The following NID1 variants were observed in gnomAD, a reference collection of about 807,000 sequenced individuals.
NID1 encodes nidogen-1.
NID1 carries 76 observed loss-of-function variants against 130.6 expected under a neutral mutation model. That is an observed-to-expected ratio of 0.58 (90% CI 0.48 to 0.70). The LOEUF (loss-of-function observed/expected upper bound fraction) is 0.70. Among genes scored for constraint, NID1 ranks in the 30% least tolerant of loss-of-function variants. NID1 has a pLI of 0.00. For missense variants in NID1, 1,517 were observed against 1,664.8 expected (o/e 0.91, Z 1.54); for synonymous variants, 665 against 675.1 (o/e 0.98, Z 0.23).
At chr1:236,021,045 G>A (rs1438057765) in intron 9 of NID1, among the ~76,000 whole-genome samples, 30 of 152,292 alleles carry the variant, frequency 2.0e-4, no homozygotes. Context: ...GCAGCAGACT[G>A]GGTTACTTCT....
chr1:236,038,150 G>A lies in NID1; in HGVS notation c.1239C>T (p.Ser413=), dbSNP rs768858254. 147 of 1,610,228 alleles carry A rather than the reference G, an allele frequency of 9.1e-5. 2 individuals carry two copies. In the South Asian group the frequency reaches 1.5e-3, roughly 16 times the overall value. Residue 413 remains serine (S), a synonymous_variant, in exon 5 of 20, where the codon AGC becomes AGT. Transcript: ENST00000264187. The part of the protein sequence containing the change: ...CRDYATGFCC[S]CVAGYTGNGR... ...CATTGCCCGTATAGCCAGCGACACA[G>A]CTGCAGCAGAAGCCCGTGGCGTAGT...
rs191638682 is a variant in NID1, at chr1:235,978,999, C to T, written c.3618G>A (p.Pro1206=). 4.3e-5 allele frequency: 70 copies of T among 1,609,278 alleles called. 1 individual carries two copies. In the South Asian group the frequency reaches 4.7e-4, roughly 11 times the overall value. ...GTAACAGCACAGGAGAGTTACCTTG[C>T]GGACACTGAGACAGGGCCGTGGTGA... is the stretch of plus-strand genomic sequence containing the variant. ...YGITTALSQC[P]QGHNYCSVNN... is the part of the protein sequence containing the mutation. Residue 1206 remains proline, a synonymous_variant, in exon 19 of 20, where the codon CCG becomes CCA. Transcript: ENST00000264187.
rs932711062 is a variant in NID1 at position 236,020,434 on chromosome 1, C to T, written c.2129-3161G>A. On this transcript the variant is annotated intron_variant, in intron 9 of 19. Coordinates refer to ENST00000264187, the MANE Select transcript of NID1 (RefSeq NM_002508.3). ...TGCTAAATGCCTTCTACATACTCGA[C>T]GATTACTCAATGAGAGATGAGCCAA... Among the ~76,000 whole-genome samples, 13 of 152,126 alleles carry T rather than the reference C, an allele frequency of 8.5e-5. 1 individual carries two copies. In the South Asian group the frequency reaches 1.2e-3, roughly 15 times the overall value.
chr1:236,037,989 G>A, intron 5 of NID1, 115 bp downstream of exon 5: 2 of 1,257,640 alleles, frequency 1.6e-6, no homozygotes, highest in Non-Finnish European at 2.1e-6. Context: ...GCTGCCATAA[G>A]AAAAACTCTA....
chr1:236,022,340 AT>A (rs112406762), intron 9 of NID1, among the ~76,000 whole-genome samples: 101 of 137,194 alleles, frequency 7.4e-4, no homozygotes, highest in South Asian at 3.0e-3. Flanking sequence ...GATGGCCCCT[AT>A]TTTTTTTTTT....
At chr1:236,035,640 T>A (rs1179295063) in intron 5 of NID1, among the ~76,000 whole-genome samples, 4 of 152,046 alleles carry the variant, frequency 2.6e-5, no homozygotes, top group South Asian at 2.1e-4. Flanking sequence ...TTTCTCCACA[T>A]CCTCTCTCAG....
chr1:236,002,471 C>CT (rs1658102482), intron 12 of NID1, among the ~76,000 whole-genome samples: 1 of 152,100 alleles, frequency 6.6e-6, no homozygotes, highest in Non-Finnish European at 1.5e-5. Flanking sequence ...CCACTGCACT[C>CT]CAGTCTGAGC....
rs1480709731 is a variant in NID1 at position 236,032,652 on chromosome 1, C to A, written c.1286G>T (p.Gly429Val). Residue 429 changes from glycine (G) to valine (V), a missense_variant and splice_region_variant, in exon 6 of 20, where the codon GGT becomes GTT. Physicochemically the swap from Gly to Val is moderately radical, Grantham distance 109. This residue lies in a region of NID1 where 1,329 missense variants were observed against 1,429.2 expected (regional missense o/e 0.93). Transcript: ENST00000264187. ...CTTGCCATTGACTCGCTGGGGGGAA[C>A]CTGAGCAAGAAAACAAAGAAAGAAT... is the stretch of plus-strand genomic sequence containing the variant. ...TGNGRQCVAE[G>V]SPQRVNGKVK... The A allele has an allele frequency of 5.6e-6, 9 of 1,613,878 alleles. No individual in the cohort carries two copies. Among genetic ancestry groups the A allele is most frequent in the Non-Finnish European group, 7.6e-6 (9 of 1,179,946 alleles).
intron 4 of NID1, among the ~76,000 whole-genome samples, chr1:236,040,348 C>T (rs988014788): frequency 3.9e-5 from 6 of 152,154 alleles, no homozygotes; most frequent in African/African-American, 1.4e-4. Flanking sequence ...ATTTCCGTGC[C>T]TCAGAAGTAA....
chr1:236,047,431 G>T (rs1470522333), intron 2 of NID1, among the ~76,000 whole-genome samples: 1 of 152,016 alleles, frequency 6.6e-6, no homozygotes, highest in Non-Finnish European at 1.5e-5. Flanking sequence ...GAAAATCGAG[G>T]CCTGTCCTAA....
At chr1:236,025,873 C>G (rs2102826707) in intron 8 of NID1, 23 bp downstream of exon 8, 1 of 1,609,478 alleles carries the variant, frequency 6.2e-7, no homozygotes, top group African/African-American at 1.3e-5. Flanking sequence ...CACCTGTGCC[C>G]AGCATGAGCT....
chr1:236,064,729 C>A, intron 1 of NID1, 126 bp downstream of exon 1: 2 of 772,596 alleles, frequency 2.6e-6, no homozygotes, highest in Non-Finnish European at 2.0e-6. Flanking sequence ...CTGCGCCGTG[C>A]CCGGTGCCCC....
chr1:235,998,958 A>G (rs1023639145), intron 12 of NID1, among the ~76,000 whole-genome samples: 2 of 152,230 alleles, frequency 1.3e-5, no homozygotes, highest in African/African-American at 4.8e-5. Context: ...GCTCAGTTCT[A>G]ACGAGAACCT....
intron 12 of NID1, among the ~76,000 whole-genome samples, chr1:236,009,965 A>G (rs771485597): frequency 6.6e-6 from 1 of 152,204 alleles, no homozygotes; most frequent in Admixed American, 6.5e-5. Flanking sequence ...ACACGCCTGG[A>G]TCTGTTTCTG....
chr1:236,060,536 C>T (rs1660010937), intron 1 of NID1: 1 of 152,164 alleles, frequency 6.6e-6, no homozygotes, highest in Non-Finnish European at 1.5e-5. Context: ...AGTTCACATG[C>T]CTCTGACATA....
Position 235,979,956 on chromosome 1 carries a change from T to G in NID1, c.3386-11A>C, listed in dbSNP as rs774123796. 3.1e-6 allele frequency: 5 copies of G among 1,613,184 alleles called. No individual in the cohort carries two copies. The East Asian group carries it at 8.9e-5, about 29-fold the overall frequency. On this transcript the variant is annotated splice_polypyrimidine_tract_variant and intron_variant, in intron 17 of 19. Coordinates refer to ENST00000264187, the MANE Select transcript of NID1 (RefSeq NM_002508.3). The surrounding 1 kb of genome is among the most constrained non-coding windows in gnomAD (Gnocchi z 4.6). ...CCGCCCGATTGGTGCCTGTGTGGAG[T>G]GGAAACAATTCATTCATTGTTCACA...
intron 8 of NID1, among the ~76,000 whole-genome samples, chr1:236,025,107 A>G (rs1658883630): frequency 6.6e-6 from 1 of 150,822 alleles, no homozygotes; most frequent in Non-Finnish European, 1.5e-5. Flanking sequence ...ACACACCACC[A>G]CACCCAGCTA....
At chr1:236,015,427 A>G (rs761916929) in intron 10 of NID1, among the ~76,000 whole-genome samples, 10 of 152,096 alleles carry the variant, frequency 6.6e-5, no homozygotes, top group Non-Finnish European at 5.9e-5. Flanking sequence ...CAGGCAAATC[A>G]CCTGAGGCCA....
intron 9 of NID1, among the ~76,000 whole-genome samples, chr1:236,020,983 T>C (rs1407891494): frequency 1.3e-5 from 2 of 152,200 alleles, no homozygotes; most frequent in Non-Finnish European, 2.9e-5. Flanking sequence ...ACTCCCACTG[T>C]GGCAAGCTCA....
Sources: gnomAD v4.1 joint callset for allele counts (sites outside exome capture counted in the v4.1 genomes callset) on GRCh38, gnomAD v4.1.1 for gene constraint, gnomAD v4.1.1 regional missense constraint, Gnocchi (gnomAD v3.1) non-coding constraint, MANE v1.5 for transcripts, NCBI Gene and HGNC (gene_info 2026-07-23, HGNC 2026-07-21) for gene names.